INTS6: variants seen among roughly 807,000 people sequenced by gnomAD.
The protein encoded by INTS6 is DEAD box protein.
In INTS6, 16 loss-of-function variants were observed where a neutral mutation model predicts 104.9. The observed-to-expected ratio is 0.15, with a 90% CI of 0.10 to 0.23. The LOEUF (loss-of-function observed/expected upper bound fraction) is 0.23. Among genes scored for constraint, INTS6 ranks in the 10% least tolerant of loss-of-function variants. The probability of loss-of-function intolerance (pLI) is 1.00; values close to 1 mark genes in which losing one functional copy is unlikely to be tolerated. For missense variants in INTS6, 584 were observed against 1,062.8 expected, an observed-to-expected ratio of 0.55 and a Z score of 6.26; for synonymous variants, 324 against 358.7, an observed-to-expected ratio of 0.90 and a Z score of 1.09.
At position 51,362,840 on chromosome 13, in the gene INTS6, C is replaced by T. The variant is rs545913883; in HGVS notation, c.*2912G>A. 3.7e-4 allele frequency: 56 copies of T among 152,462 alleles called. No homozygotes were observed. Among genetic ancestry groups the T allele is most frequent in the African/African-American group, 1.2e-3 (48 of 41,520 alleles). 9.4% of individuals were successfully genotyped at this position (152,462 alleles called of 1,614,324 possible). A position where few individuals can be genotyped will look rare whatever the true frequency, so the allele number is the denominator to read the frequency against. On this transcript the variant is annotated 3_prime_UTR_variant, in exon 18 of 18. Transcript: ENST00000311234. ...AGAAATCAAAGGAACATTTTTGTGA[C>T]GAGAAAGATATAAACCATTCACTAG...
At chr13:51,414,087 T>C (rs916049224) in intron 4 of INTS6, among the ~76,000 whole-genome samples, 9 of 152,236 alleles carry the variant, frequency 5.9e-5, no homozygotes, top group Non-Finnish European at 8.8e-5. Context: ...TTTTAGGTCA[T>C]GCTTATATTA....
chr13:51,450,702 TACA>T, intron 3 of INTS6: 1 of 1,009,948 alleles, frequency 9.9e-7, no homozygotes, highest in Non-Finnish European at 1.2e-6. Flanking sequence ...TAGTTGCACA[TACA>T]ACATGAGTGT....
intron 4 of INTS6, among the ~76,000 whole-genome samples, chr13:51,400,595 G>A (rs1283158479): frequency 2.0e-5 from 3 of 152,044 alleles, no homozygotes; most frequent in Non-Finnish European, 4.4e-5. Flanking sequence ...TTCTTATATC[G>A]GGTGACTGTA....
chr13:51,416,709 A>G (rs959961023), intron 4 of INTS6, among the ~76,000 whole-genome samples: 10 of 152,188 alleles, frequency 6.6e-5, no homozygotes, highest in African/African-American at 2.4e-4. Flanking sequence ...TTGTGTAGAC[A>G]TGTTTTCATT....
At chr13:51,445,508 T>C (rs1369522498) in intron 3 of INTS6, 1 of 152,216 alleles carries the variant, frequency 6.6e-6, no homozygotes, top group Non-Finnish European at 1.5e-5. Context: ...GACATCCTAA[T>C]AAGGTACATT....
At chr13:51,347,186 C>T in the INTS6 span, 7 of 1,613,894 alleles carry the variant, frequency 4.3e-6, no homozygotes, top group Non-Finnish European at 5.9e-6. Flanking sequence ...TGCCTATGGC[C>T]TCGTCCTTCA....
downstream of INTS6, among the ~76,000 whole-genome samples, chr13:51,358,530 C>T (rs1346224943): frequency 6.6e-6 from 1 of 152,110 alleles, no homozygotes; most frequent in African/African-American, 2.4e-5. Context: ...AAACACCAAT[C>T]AGCATTTCCT....
chr13:51,352,071 A>T (rs968369613), downstream of INTS6, among the ~76,000 whole-genome samples: 4 of 152,022 alleles, frequency 2.6e-5, no homozygotes, highest in Admixed American at 2.0e-4. Flanking sequence ...TTCTTTTTCA[A>T]GATTGTTTTA....
chr13:51,369,974 T>G (rs1320006114), intron 15 of INTS6, among the ~76,000 whole-genome samples: 1 of 152,158 alleles, frequency 6.6e-6, no homozygotes. Flanking sequence ...AGAAAGCAGC[T>G]GAATTTTAAG....
At chr13:51,436,339 G>A (rs1315726192) in intron 3 of INTS6, 3 of 152,010 alleles carry the variant, frequency 2.0e-5, no homozygotes, top group Admixed American at 2.0e-4. Context: ...AATACATTAA[G>A]GTCTACAGCT....
Position 51,387,316 on chromosome 13 carries a change from C to T in INTS6, c.894+70G>A, listed in dbSNP as rs928271718. Reference sequence around the variant, plus strand: ...CATAAATTAATCACAGCTTTGACAACAGAATTTGAAACTAATAGGAAAGAC... The same window carrying T: ...CATAAATTAATCACAGCTTTGACAATAGAATTTGAAACTAATAGGAAAGAC... On this transcript the variant is annotated intron_variant, in intron 7 of 17. Transcript: ENST00000311234. The T allele has an allele frequency of 2.9e-6, 4 of 1,374,280 alleles. No individual in the cohort carries two copies. The African/African-American group carries it at 5.9e-5, about 20-fold the overall frequency. 85.1% of individuals were successfully genotyped at this position (1,374,280 alleles called of 1,614,324 possible). A position where few individuals can be genotyped will look rare whatever the true frequency, so the allele number is the denominator to read the frequency against.
At chr13:51,423,062 G>A in intron 4 of INTS6, 1 of 1,282,436 alleles carries the variant, frequency 7.8e-7, no homozygotes, top group Non-Finnish European at 1.0e-6. Flanking sequence ...TTCTAGCCTT[G>A]CTTAATTCCA....
the INTS6 span, among the ~76,000 whole-genome samples, chr13:51,345,264 G>A: frequency 2.2e-4 from 33 of 152,226 alleles, no homozygotes; most frequent in South Asian, 6.2e-4. Context: ...CAGGTGGTCC[G>A]GCTCCAGCAT....
In INTS6 at chr13:51,367,848, T is replaced by C; in HGVS notation, c.2527A>G (p.Thr843Ala). ...ACATTTTGTAAAAATATTAGTCTTG[T>C]TTGTAAACTGCCTTGCACATGCTTC... Reference protein sequence around the residue: ...LLKHVQGSLQTRLIFLQNVIK... With the variant: ...LLKHVQGSLQARLIFLQNVIK... Residue 843 changes from threonine (T) to alanine (A), a missense_variant, in exon 17 of 18, where the codon ACA becomes GCA. Physicochemically the swap from Thr to Ala is moderately conservative, Grantham distance 58. This residue lies in a region of INTS6 where 296 missense variants were observed against 437.0 expected (regional missense o/e 0.68). Transcript: ENST00000311234. 6.3e-7 allele frequency: 1 copy of C among 1,596,904 alleles called. No individual in the cohort carries two copies. Among genetic ancestry groups the C allele is most frequent in the Non-Finnish European group, 8.5e-7 (1 of 1,172,358 alleles).
chr13:51,344,607 C>A, the INTS6 span: 1 of 748,622 alleles, frequency 1.3e-6, no homozygotes, highest in Non-Finnish European at 2.3e-6. Flanking sequence ...GAAGTCTGTC[C>A]TCTTAGGAGA....
Position 51,452,899 on chromosome 13 carries a change from G to C in INTS6, c.-374C>G. 1 of 1,105,030 alleles carries C rather than the reference G, an allele frequency of 9.0e-7. No homozygotes were observed. Among genetic ancestry groups the C allele is most frequent in the Non-Finnish European group, 1.1e-6 (1 of 902,376 alleles). 68.5% of individuals were successfully genotyped at this position (1,105,030 alleles called of 1,614,324 possible). ...GCTCCCCACCCCACCCCCGGTACAG[G>C]AGTGGGGACCTGGGAGCTGGCGAAG... On this transcript the variant is annotated 5_prime_UTR_variant, in exon 1 of 18. Transcript: ENST00000311234. The surrounding 1 kb of genome is among the most constrained non-coding windows in gnomAD (Gnocchi z 4.2).
intron 4 of INTS6, among the ~76,000 whole-genome samples, chr13:51,403,379 G>A (rs558543005): frequency 5.3e-5 from 8 of 152,040 alleles, no homozygotes; most frequent in East Asian, 3.9e-4. Flanking sequence ...TCAGCAGATC[G>A]AGACCATTCT....
At chr13:51,387,648 T>A in intron 6 of INTS6, 108 bp from the exon 7 acceptor site, 1 of 872,528 alleles carries the variant, frequency 1.1e-6, no homozygotes, top group Non-Finnish European at 1.6e-6. Flanking sequence ...ATTCCTAATA[T>A]CTTTTTCCAG....
intron 12 of INTS6, among the ~76,000 whole-genome samples, chr13:51,376,529 CTATTT>C (rs1277935737): frequency 7.9e-5 from 12 of 151,930 alleles, no homozygotes; most frequent in African/African-American, 2.7e-4. Context: ...ATAAAATCAC[CTATTT>C]TAAGTATATA....
Sources: allele counts gnomAD v4.1 joint callset (sites outside exome capture counted in the v4.1 genomes callset), GRCh38; gene constraint gnomAD v4.1.1; regional missense constraint gnomAD v4.1.1; non-coding constraint Gnocchi (gnomAD v3.1); transcripts MANE v1.5; gene names NCBI Gene and HGNC (gene_info 2026-07-23, HGNC 2026-07-21).